Variants in PDE8B observed in about 807,000 individuals in gnomAD.
PDE8B encodes high affinity cAMP-specific and IBMX-insensitive 3',5'-cyclic phosphodiesterase 8B.
PDE8B carries 26 observed loss-of-function variants against 101.3 expected under a neutral mutation model. The ratio of observed to expected loss-of-function variants is 0.26; its 90% CI spans 0.19 to 0.36. The LOEUF (loss-of-function observed/expected upper bound fraction) is 0.36. Among genes scored for constraint, PDE8B ranks in the 10% least tolerant of loss-of-function variants. The probability of loss-of-function intolerance (pLI) is 1.00; values close to 1 mark genes in which losing one functional copy is unlikely to be tolerated. For synonymous variants in PDE8B, 424 were observed against 429.3 expected (o/e 0.99, Z 0.15); for missense variants, 810 against 1,163.1 (o/e 0.70, Z 4.42).
the PDE8B span, chr5:77,180,546 C>A: frequency 1.1e-6 from 1 of 941,348 alleles, no homozygotes; most frequent in Non-Finnish European, 1.3e-6. Context: ...CCTGGGTACC[C>A]GGCCGCTGGC....
chr5:77,407,699 G>A (rs1793762371), intron 13 of PDE8B, among the ~76,000 whole-genome samples: 1 of 152,212 alleles, frequency 6.6e-6, no homozygotes, highest in South Asian at 2.1e-4. Context: ...AGAGAGGGTG[G>A]TCAGGGAAAC....
chr5:77,197,607 A>T, the PDE8B span, among the ~76,000 whole-genome samples: 4 of 150,816 alleles, frequency 2.7e-5, no homozygotes, highest in Admixed American at 6.6e-5. Flanking sequence ...ATAAGCTTTT[A>T]TCCCCTTTAT....
At chr5:77,208,438 G>A (rs908253151), upstream of PDE8B, among the ~76,000 whole-genome samples, 1 of 152,190 alleles carries the variant, frequency 6.6e-6, no homozygotes, top group Admixed American at 6.5e-5. Flanking sequence ...TGACTTGAAC[G>A]TTACATCAGG....
intron 1 of PDE8B, among the ~76,000 whole-genome samples, chr5:77,269,338 T>C (rs1294672355): frequency 1.3e-5 from 2 of 152,178 alleles, no homozygotes; most frequent in Non-Finnish European, 2.9e-5. Context: ...ATTTTTCCTA[T>C]AGAGTTGTTT....
chr5:77,119,366 A>G, the PDE8B span: 1 of 152,234 alleles, frequency 6.6e-6, no homozygotes, highest in South Asian at 2.1e-4. Flanking sequence ...GACTTGTTTA[A>G]GAATGTTCAT....
chr5:77,242,000 T>C (rs971774637), intron 1 of PDE8B, among the ~76,000 whole-genome samples: 55 of 152,184 alleles, frequency 3.6e-4, no homozygotes, highest in African/African-American at 1.2e-3. Context: ...TCACGCAAGG[T>C]GTATGCCGAT....
At chr5:77,336,769 A>G (rs1333290687) in intron 5 of PDE8B, among the ~76,000 whole-genome samples, 1 of 152,146 alleles carries the variant, frequency 6.6e-6, no homozygotes, top group Non-Finnish European at 1.5e-5. Context: ...ATCATATGAG[A>G]ATTCTGTGTT....
intron 1 of PDE8B, among the ~76,000 whole-genome samples, chr5:77,279,474 G>A (rs1398392137): frequency 1.3e-5 from 2 of 152,176 alleles, no homozygotes; most frequent in Non-Finnish European, 1.5e-5. Context: ...TAGCCAGAAA[G>A]CACTGGTTCC....
intron 1 of PDE8B, among the ~76,000 whole-genome samples, chr5:77,240,332 T>A (rs2149539863): frequency 6.6e-6 from 1 of 151,848 alleles, no homozygotes; most frequent in African/African-American, 2.4e-5. Flanking sequence ...TTTTTGTATT[T>A]TTAGTAGAGA....
the PDE8B span, among the ~76,000 whole-genome samples, chr5:77,181,717 C>A: frequency 6.6e-6 from 1 of 152,108 alleles, no homozygotes; most frequent in Non-Finnish European, 1.5e-5. Context: ...GTCGGGAGGT[C>A]AGGGTGGCTG....
At chr5:77,367,534 T>G (rs1219887213) in intron 10 of PDE8B, among the ~76,000 whole-genome samples, 2 of 67,692 alleles carry the variant, frequency 3.0e-5, no homozygotes, top group African/African-American at 2.0e-4. Flanking sequence ...TTCTCTCTTT[T>G]TTTTTTTTTT....
intron 10 of PDE8B, among the ~76,000 whole-genome samples, chr5:77,379,720 A>C (rs761856620): frequency 2.3e-4 from 35 of 152,172 alleles, no homozygotes; most frequent in Non-Finnish European, 3.5e-4. Flanking sequence ...TGAGAAGTGA[A>C]TCTTCAAGTG....
intron 1 of PDE8B, among the ~76,000 whole-genome samples, chr5:77,304,181 T>C (rs542009776): frequency 4.6e-5 from 7 of 152,352 alleles, no homozygotes; most frequent in African/African-American, 1.2e-4. Flanking sequence ...GGCCACTTTC[T>C]TGCCTATGCT....
chr5:77,210,561 G>A (rs1213192584), upstream of PDE8B: 3 of 929,598 alleles, frequency 3.2e-6, no homozygotes, highest in Non-Finnish European at 3.8e-6. This position sits in a 1 kb window ranked among gnomAD's most constrained non-coding sequence, Gnocchi z 4.9. Context: ...AGCCCGGCGA[G>A]GTCGAGCTGG....
At chr5:77,111,004 C>T in the PDE8B span, among the ~76,000 whole-genome samples, 1 of 152,176 alleles carries the variant, frequency 6.6e-6, no homozygotes, top group Non-Finnish European at 1.5e-5. Flanking sequence ...GAGGACTCAA[C>T]TTGAGAAAGG....
chr5:77,252,639 T>G (rs1758290782), intron 1 of PDE8B, among the ~76,000 whole-genome samples: 1 of 152,172 alleles, frequency 6.6e-6, no homozygotes, highest in Non-Finnish European at 1.5e-5. Context: ...TGTGACACCT[T>G]TTTCTGCCCA....
intron 1 of PDE8B, among the ~76,000 whole-genome samples, chr5:77,282,877 G>A (rs1765296763): frequency 6.6e-6 from 1 of 151,690 alleles, no homozygotes. Context: ...AGCATAAAAT[G>A]TCAAGCAGAA....
At chr5:77,140,314 C>G in the PDE8B span, 1 of 152,144 alleles carries the variant, frequency 6.6e-6, no homozygotes, top group Non-Finnish European at 1.5e-5. Flanking sequence ...CTGTAGCCCT[C>G]AGGAACTCAG....
intron 20 of PDE8B, among the ~76,000 whole-genome samples, chr5:77,424,995 C>T (rs1487596646): frequency 6.6e-6 from 1 of 152,050 alleles, no homozygotes; most frequent in Non-Finnish European, 1.5e-5. Context: ...TGGCCTGAAA[C>T]TTTTTTTAAG....
Sources: gnomAD v4.1 joint callset for allele counts (sites outside exome capture counted in the v4.1 genomes callset) on GRCh38, gnomAD v4.1.1 for gene constraint, Gnocchi (gnomAD v3.1) non-coding constraint, MANE v1.5 for transcripts, NCBI Gene and HGNC (gene_info 2026-07-23, HGNC 2026-07-21) for gene names.